C10orf105: variants seen among roughly 807,000 people sequenced by gnomAD.
C10orf105 encodes chromosome 10 open reading frame 105.
Under a neutral mutation model 0.6 loss-of-function variants are expected in C10orf105, and 2 were observed. The observed-to-expected ratio is 3.18, with a 90% confidence interval of 1.30 to 10.01. C10orf105 has a LOEUF of 10.01. C10orf105 is among the 30% of genes most tolerant of loss of function. C10orf105 has a pLI of 0.04. For missense variants in C10orf105, 209 were observed against 191.4 expected (o/e 1.09, Z -0.54); for synonymous variants, 95 against 82.4 (o/e 1.15, Z -0.83).
At chr10:71,723,899 C>A, upstream of C10orf105, 1 of 869,190 alleles carries the variant, frequency 1.2e-6, no homozygotes, top group Non-Finnish European at 1.9e-6. Context: ...GTCCCCTTGT[C>A]TCCCACACCC....
upstream of C10orf105, among the ~76,000 whole-genome samples, chr10:71,723,240 G>A (rs991379444): frequency 2.6e-5 from 4 of 152,192 alleles, no homozygotes; most frequent in Admixed American, 1.3e-4. Flanking sequence ...CCTGGGGGGT[G>A]TTTGTTCTCC....
At position 71,715,908 on chromosome 10, in the gene C10orf105, A is replaced by T; in HGVS notation, c.*28T>A. ...AGGATCTACAGGTAGACCTAGGGGG[A>T]TGTGGGGGCATGTTTGTGGACACCC... On this transcript the variant is annotated 3_prime_UTR_variant, in exon 2 of 2. Transcript: ENST00000441508. 1.4e-6 allele frequency: 2 copies of T among 1,441,468 alleles called. No individual in the cohort carries two copies. Among genetic ancestry groups the T allele is most frequent in the African/African-American group, 1.5e-5 (1 of 68,790 alleles). The allele number at this position is 1,441,468 out of a possible 1,614,324, so 89.3% of individuals were successfully genotyped here. A position where few individuals can be genotyped will look rare whatever the true frequency, so the allele number is the denominator to read the frequency against.
intron 1 of C10orf105, among the ~76,000 whole-genome samples, chr10:71,735,024 G>T (rs1420968904): frequency 2.0e-5 from 3 of 152,256 alleles, no homozygotes; most frequent in Non-Finnish European, 4.4e-5. Context: ...GGTCTAAAAC[G>T]AGGGTCATGC....
At chr10:71,720,365 T>G (rs1866496838), upstream of C10orf105, among the ~76,000 whole-genome samples, 1 of 151,812 alleles carries the variant, frequency 6.6e-6, no homozygotes, top group Admixed American at 6.6e-5. Flanking sequence ...TCCAAGGCCA[T>G]GCTCCCCACA....
chr10:71,720,635 A>G (rs538694885), upstream of C10orf105, among the ~76,000 whole-genome samples: 1 of 152,228 alleles, frequency 6.6e-6, no homozygotes, highest in African/African-American at 2.4e-5. Context: ...CCTTTTTTGG[A>G]GCCCCAGTTT....
upstream of C10orf105, among the ~76,000 whole-genome samples, chr10:71,722,068 T>A (rs1481887950): frequency 6.6e-6 from 1 of 152,234 alleles, no homozygotes; most frequent in Non-Finnish European, 1.5e-5. Flanking sequence ...CCATCTTCTC[T>A]GCAGTTTTGT....
upstream of C10orf105, among the ~76,000 whole-genome samples, chr10:71,723,481 C>A (rs1039643754): frequency 6.6e-6 from 1 of 152,176 alleles, no homozygotes; most frequent in South Asian, 2.1e-4. Context: ...CCAGCCAGGC[C>A]GATCTGAAGC....
At chr10:71,718,674 A>T (rs758013420) in intron 1 of C10orf105, among the ~76,000 whole-genome samples, 1 of 152,216 alleles carries the variant, frequency 6.6e-6, no homozygotes, top group Non-Finnish European at 1.5e-5. Flanking sequence ...CAATCCTACT[A>T]GTTCTAATGT....
intron 1 of C10orf105, among the ~76,000 whole-genome samples, chr10:71,737,500 A>G (rs1255325987): frequency 6.6e-6 from 1 of 152,218 alleles, no homozygotes; most frequent in Non-Finnish European, 1.5e-5. Flanking sequence ...CCTGTATAGA[A>G]GGAAGAATGA....
At chr10:71,722,180 C>A (rs1019947461), upstream of C10orf105, among the ~76,000 whole-genome samples, 3 of 152,230 alleles carry the variant, frequency 2.0e-5, no homozygotes, top group Non-Finnish European at 4.4e-5. Context: ...GTGGCTCATG[C>A]CTGTAATCCC....
At chr10:71,734,947 A>C (rs1589385003) in intron 1 of C10orf105, among the ~76,000 whole-genome samples, 2 of 152,356 alleles carry the variant, frequency 1.3e-5, no homozygotes, top group East Asian at 3.9e-4. Flanking sequence ...GGCTCATCCC[A>C]GCTCCACTCC....
chr10:71,737,310 A>G (rs1305847012), intron 1 of C10orf105, among the ~76,000 whole-genome samples: 1 of 152,180 alleles, frequency 6.6e-6, no homozygotes, highest in East Asian at 1.9e-4. Flanking sequence ...TCCTCCCAAC[A>G]GGTGTCATTC....
intron 1 of C10orf105, among the ~76,000 whole-genome samples, chr10:71,730,972 C>G (rs1839357622): frequency 6.6e-6 from 1 of 152,264 alleles, no homozygotes; most frequent in South Asian, 2.1e-4. Context: ...GCCTGCTCCT[C>G]CAGCCCCTCC....
At chr10:71,729,299 G>T (rs1866956198) in intron 1 of C10orf105, among the ~76,000 whole-genome samples, 1 of 152,338 alleles carries the variant, frequency 6.6e-6, no homozygotes, top group East Asian at 1.9e-4. Context: ...CTGAGACAAG[G>T]ATTGGTGTGA....
chr10:71,737,741 C>T (rs760109379), exon 1 of C10orf105: 19 of 470,206 alleles, frequency 4.0e-5, no homozygotes, highest in Non-Finnish European at 4.0e-5. Flanking sequence ...TGATTCCAGC[C>T]GCAGTGGCCT....
rs1399250836 is a variant in C10orf105, at chr10:71,713,560, T to G, written c.*2376A>C. The G allele has an allele frequency of 6.4e-6, 3 of 465,610 alleles. No homozygotes were observed. The highest frequency in any genetic ancestry group is 1.2e-5 in the Non-Finnish European group (3 of 258,152). The allele number at this position is 465,610 out of a possible 1,614,324, so 28.8% of individuals were successfully genotyped here. On this transcript the variant is annotated 3_prime_UTR_variant, in exon 2 of 2. Coordinates refer to ENST00000441508, the MANE Select transcript of C10orf105 (RefSeq NM_001164375.3). ...GACCAGGAGGCGGGCAGGAAAGGGC[T>G]GGGGAGCAGGGAGCTGACTCCCAGA...
intron 1 of C10orf105, chr10:71,717,102 C>T (rs1381727169): frequency 6.6e-6 from 1 of 152,310 alleles, no homozygotes; most frequent in African/African-American, 2.4e-5. Context: ...GTCCAACTTG[C>T]TCCCACGACA....
At chr10:71,722,313 T>C (rs974902195), upstream of C10orf105, among the ~76,000 whole-genome samples, 11 of 152,078 alleles carry the variant, frequency 7.2e-5, no homozygotes. Context: ...GAAGGAGAAG[T>C]GTACTGTAGC....
rs547214886 is a variant in C10orf105, at chr10:71,731,979, T to C, written c.-6+5749A>G. On this transcript the variant is annotated intron_variant, in intron 1 of 1. Coordinates refer to the C10orf105 transcript ENST00000398786. Reference sequence around the variant, plus strand: ...CTGGGACTGCACAGCCTCTGTGTCCTCCTACAGGGGATGGTGGCCTGGTGA... The same window carrying C: ...CTGGGACTGCACAGCCTCTGTGTCCCCCTACAGGGGATGGTGGCCTGGTGA... 54 of 1,612,382 alleles carry C rather than the reference T, an allele frequency of 3.3e-5. No individual in the cohort carries two copies. The highest frequency in any genetic ancestry group is 4.0e-5 in the Non-Finnish European group (47 of 1,178,970).
Sources: allele counts gnomAD v4.1 joint callset (sites outside exome capture counted in the v4.1 genomes callset), GRCh38; gene constraint gnomAD v4.1.1; transcripts MANE v1.5; gene names NCBI Gene and HGNC (gene_info 2026-07-23, HGNC 2026-07-21).